LRP1B: variants seen among roughly 807,000 people sequenced by gnomAD.
LRP1B encodes the protein LDL receptor related protein 1B, also known as low-density lipoprotein receptor-related protein 1B.
In LRP1B, 217 loss-of-function variants were observed where a neutral mutation model predicts 556.6. The ratio of observed to expected loss-of-function variants is 0.39; its 90% CI spans 0.35 to 0.44. The LOEUF is 0.44. LRP1B is among the 20% of genes least tolerant of loss of function. LRP1B has a pLI of 1.00. For synonymous variants in LRP1B, 2,047 were observed against 1,865.8 expected (o/e 1.10, Z -2.50); for missense variants, 5,053 against 5,620.8 (o/e 0.90, Z 3.23).
intron 1 of LRP1B, among the ~76,000 whole-genome samples, chr2:142,091,538 A>G (rs1706173653): frequency 6.6e-6 from 1 of 152,186 alleles, no homozygotes; most frequent in Non-Finnish European, 1.5e-5. Flanking sequence ...TTGAGTTTAA[A>G]GATGTGAGTG....
In LRP1B at chr2:141,142,222, C is replaced by A. The variant is rs573639890; in HGVS notation, c.1013+46199G>T. ...CACCAGATGCTGTCTCATTACAGGC[C>A]TCTGAATGTTGAGAAGAGGTTGCCG... On this transcript the variant is annotated intron_variant, in intron 7 of 90. Transcript: ENST00000389484. Among the ~76,000 whole-genome samples, 5 of 152,268 alleles carry A rather than the reference C, an allele frequency of 3.3e-5. No individual in the cohort carries two copies. In the East Asian group the frequency reaches 9.7e-4, roughly 29 times the overall value.
chr2:142,120,916 T>A (rs1221059987), intron 1 of LRP1B, among the ~76,000 whole-genome samples: 2 of 152,250 alleles, frequency 1.3e-5, no homozygotes, highest in African/African-American at 4.8e-5. Context: ...CATATGACCA[T>A]CATGTGACTT....
chr2:141,985,120 A>G (rs988752048), intron 1 of LRP1B, among the ~76,000 whole-genome samples: 1 of 152,142 alleles, frequency 6.6e-6, no homozygotes, highest in African/African-American at 2.4e-5. Context: ...CAAGTCTGAG[A>G]TAACGGTATT....
rs188437764 is a variant in LRP1B at position 140,960,830 on chromosome 2, T to C, written c.2888-8890A>G. On this transcript the variant is annotated intron_variant, in intron 18 of 90. Coordinates refer to ENST00000389484, the MANE Select transcript of LRP1B (RefSeq NM_018557.3). ...ACTATGGTCAATATTCAAAGATCTA[T>C]TTAAAACATCTAGCAAGATTCAGAA... Among the ~76,000 whole-genome samples, 191 of 152,114 alleles carry C rather than the reference T, an allele frequency of 1.3e-3. 1 individual carries two copies. Among genetic ancestry groups the C allele is most frequent in the African/African-American group, 4.2e-3 (176 of 41,556 alleles).
At chr2:141,996,394 A>G (rs1234089773) in intron 1 of LRP1B, among the ~76,000 whole-genome samples, 1 of 74,168 alleles carries the variant, frequency 1.3e-5, no homozygotes, top group Non-Finnish European at 2.6e-5. Flanking sequence ...CCCTAATATC[A>G]TTGAACCTCT....
rs185567072 is a variant in LRP1B, at chr2:140,570,635, A to G, written c.7194+27996T>C. 2.5e-3 allele frequency among the ~76,000 whole-genome samples: 381 copies of G among 151,934 alleles called. 1 individual carries two copies. The highest frequency in any genetic ancestry group is 8.8e-3 in the African/African-American group (364 of 41,536). On this transcript the variant is annotated intron_variant, in intron 43 of 90. Coordinates refer to ENST00000389484, the MANE Select transcript of LRP1B (RefSeq NM_018557.3). The stretch of plus-strand genomic sequence containing the variant: ...TAATTTTTTTCAAACTTTTCCAGAA[A>G]ATTAAAAAAGAAGGAATTCCTCAAA...
At chr2:140,329,920 C>A (rs1045346481) in intron 79 of LRP1B, among the ~76,000 whole-genome samples, 19 of 151,792 alleles carry the variant, frequency 1.3e-4, no homozygotes, top group African/African-American at 4.1e-4. Flanking sequence ...CTTTAAAATT[C>A]ATATGGGCTG....
In LRP1B at chr2:141,583,433, A is replaced by G. The variant is rs1056483177; in HGVS notation, c.206-102900T>C. Reference sequence around the variant, plus strand: ...TTGCTTATGGCAAAACAAATGAAATACCGATCATCAAGTGGTAGAACAAGC... The same window carrying G: ...TTGCTTATGGCAAAACAAATGAAATGCCGATCATCAAGTGGTAGAACAAGC... On this transcript the variant is annotated intron_variant, in intron 2 of 90. Coordinates refer to ENST00000389484, the MANE Select transcript of LRP1B (RefSeq NM_018557.3). Among the ~76,000 whole-genome samples the G allele has an allele frequency of 2.4e-4, 36 of 152,082 alleles. 1 individual carries two copies.
At chr2:142,127,308 T>C (rs1707690455) in intron 1 of LRP1B, among the ~76,000 whole-genome samples, 1 of 151,858 alleles carries the variant, frequency 6.6e-6, no homozygotes, top group Non-Finnish European at 1.5e-5. Flanking sequence ...GAAATTATTT[T>C]GTCTAAAGAT....
chr2:141,162,720 A>G (rs1468163418), intron 7 of LRP1B, among the ~76,000 whole-genome samples: 1 of 152,154 alleles, frequency 6.6e-6, no homozygotes, highest in African/African-American at 2.4e-5. Flanking sequence ...TATAGGAATA[A>G]AAACAATAAT....
At chr2:141,567,695 T>C (rs950723680) in intron 2 of LRP1B, among the ~76,000 whole-genome samples, 4 of 151,768 alleles carry the variant, frequency 2.6e-5, no homozygotes, top group Middle Eastern at 3.2e-3. Flanking sequence ...ATTAGGTATG[T>C]GGGAAATCTG....
intron 66 of LRP1B, among the ~76,000 whole-genome samples, chr2:140,423,678 C>T (rs949144849): frequency 6.6e-6 from 1 of 152,096 alleles, no homozygotes; most frequent in African/African-American, 2.4e-5. Flanking sequence ...TTTAAAAACA[C>T]TATTACAGTT....
chr2:142,116,686 T>G (rs1408690449), intron 1 of LRP1B, among the ~76,000 whole-genome samples: 1 of 152,170 alleles, frequency 6.6e-6, no homozygotes, highest in Non-Finnish European at 1.5e-5. Flanking sequence ...GAAGGGTATA[T>G]GGAAACTCTG....
chr2:140,655,942 C>CAAAAA (rs369787900), intron 41 of LRP1B, among the ~76,000 whole-genome samples: 2 of 146,188 alleles, frequency 1.4e-5, no homozygotes, highest in Admixed American at 6.9e-5. Flanking sequence ...GACTCCGTCT[C>CAAAAA]AAAAAAAACA....
At chr2:141,611,314 G>C (rs1688101758) in intron 2 of LRP1B, among the ~76,000 whole-genome samples, 1 of 152,164 alleles carries the variant, frequency 6.6e-6, no homozygotes, top group Non-Finnish European at 1.5e-5. Flanking sequence ...TACATCATCT[G>C]TCAGACAAGC....
chr2:141,596,468 G>A (rs1687524960), intron 2 of LRP1B, among the ~76,000 whole-genome samples: 2 of 152,028 alleles, frequency 1.3e-5, no homozygotes, highest in African/African-American at 2.4e-5. Flanking sequence ...GTAGATGGAT[G>A]TAGGTATGCG....
chr2:141,004,403 G>A (rs953800868), intron 15 of LRP1B, among the ~76,000 whole-genome samples: 4 of 152,018 alleles, frequency 2.6e-5, no homozygotes, highest in Admixed American at 2.0e-4. Context: ...AACGTCAACT[G>A]CCTGATTATT....
intron 2 of LRP1B, among the ~76,000 whole-genome samples, chr2:141,777,722 CTT>C (rs954526031): frequency 6.6e-6 from 1 of 152,062 alleles, no homozygotes; most frequent in Non-Finnish European, 1.5e-5. Context: ...GCCAAAATGA[CTT>C]TTAAAAACAG....
chr2:141,168,647 A>G (rs1028792115), intron 7 of LRP1B, among the ~76,000 whole-genome samples: 1 of 152,072 alleles, frequency 6.6e-6, no homozygotes, highest in Non-Finnish European at 1.5e-5. Flanking sequence ...TTACATTTGT[A>G]TATTTTTATT....
Sources: gnomAD v4.1 joint callset for allele counts (sites outside exome capture counted in the v4.1 genomes callset) on GRCh38, gnomAD v4.1.1 for gene constraint, MANE v1.5 for transcripts, NCBI Gene and HGNC (gene_info 2026-07-23, HGNC 2026-07-21) for gene names.